The following RFX4 variants were observed in gnomAD, a reference collection of about 807,000 sequenced individuals.
The protein encoded by RFX4 is regulatory factor X4, also known as transcription factor RFX4.
RFX4 carries 10 observed loss-of-function variants against 95.0 expected under a neutral mutation model. That is an observed-to-expected ratio of 0.11 (90% CI 0.06 to 0.18). The LOEUF is 0.18. RFX4 is among the 10% of genes least tolerant of loss of function. The probability of loss-of-function intolerance (pLI) is 1.00; values close to 1 mark genes in which losing one functional copy is unlikely to be tolerated. For synonymous variants in RFX4, 321 were observed against 340.7 expected, an observed-to-expected ratio of 0.94 and a Z score of 0.64; for missense variants, 640 against 922.0, an observed-to-expected ratio of 0.69 and a Z score of 3.96.
At chr12:106,715,169 G>A (rs778955397) in intron 10 of RFX4, 64 of 470,446 alleles carry the variant, frequency 1.4e-4, no homozygotes, top group East Asian at 1.3e-3. Flanking sequence ...GCCCACCCTC[G>A]CAGTTTCTTG....
intron 4 of RFX4, among the ~76,000 whole-genome samples, 186 bp downstream of exon 4, chr12:106,654,537 T>C (rs1201898289): frequency 2.0e-5 from 3 of 152,242 alleles, no homozygotes; most frequent in Non-Finnish European, 4.4e-5. Flanking sequence ...AAAAACATTG[T>C]AAAGTAAGAA....
chr12:106,617,018 T>C, intron 2 of RFX4, among the ~76,000 whole-genome samples: 1 of 152,144 alleles, frequency 6.6e-6, no homozygotes, highest in Non-Finnish European at 1.5e-5. Flanking sequence ...TCTGCCTGCC[T>C]CAGCTTCCCA....
intron 1 of RFX4, among the ~76,000 whole-genome samples, chr12:106,600,646 A>C (rs1331073689): frequency 6.6e-6 from 1 of 152,102 alleles, no homozygotes; most frequent in African/African-American, 2.4e-5. Flanking sequence ...TTCTTAGCGC[A>C]CTTGGAATAA....
Position 106,720,118 on chromosome 12 carries a change from C to G in RFX4, c.1233+64C>G. 7.2e-7 allele frequency: 1 copy of G among 1,387,094 alleles called. No homozygotes were observed. The allele number at this position is 1,387,094 out of a possible 1,614,324, so 85.9% of individuals were successfully genotyped here. On this transcript the variant is annotated intron_variant, in intron 12 of 17. Transcript: ENST00000392842. The surrounding 1 kb of genome is among the most constrained non-coding windows in gnomAD (Gnocchi z 4.2). The stretch of plus-strand genomic sequence containing the variant: ...GCAGCCCACCACTGCCCTCTGTGAA[C>G]TTGGCCAAGACAAAGCCCTATGGTA...
intron 8 of RFX4, among the ~76,000 whole-genome samples, chr12:106,700,787 T>C (rs2041974680): frequency 6.6e-6 from 1 of 152,220 alleles, no homozygotes; most frequent in East Asian, 1.9e-4. Context: ...TTAACAACAG[T>C]ATACTCCCTA....
At chr12:106,693,619 G>T (rs894121577) in intron 7 of RFX4, among the ~76,000 whole-genome samples, 3 of 152,166 alleles carry the variant, frequency 2.0e-5, no homozygotes, top group Non-Finnish European at 2.9e-5. Context: ...CTGGGATCAG[G>T]GGACAGTGGA....
chr12:106,672,547 A>C (rs1434206217), intron 4 of RFX4, among the ~76,000 whole-genome samples: 1 of 152,222 alleles, frequency 6.6e-6, no homozygotes, highest in African/African-American at 2.4e-5. Context: ...TTTATCAAAC[A>C]GCGAAGCTCA....
chr12:106,717,410 T>G (rs1190041818), intron 11 of RFX4, among the ~76,000 whole-genome samples: 1 of 152,244 alleles, frequency 6.6e-6, no homozygotes. Flanking sequence ...GACCAGGCTC[T>G]GAGCCTTTGC....
intron 1 of RFX4, among the ~76,000 whole-genome samples, chr12:106,605,457 C>G (rs17038571): frequency 6.6e-6 from 1 of 152,060 alleles, no homozygotes; most frequent in Non-Finnish European, 1.5e-5. Context: ...ATCCAAGGCC[C>G]GAATCTGGTT....
intron 4 of RFX4, among the ~76,000 whole-genome samples, chr12:106,664,879 T>C (rs1263388087): frequency 6.6e-6 from 1 of 151,888 alleles, no homozygotes; most frequent in Non-Finnish European, 1.5e-5. Context: ...ATAGCTTAAT[T>C]CTACTGTGGC....
chr12:106,606,719 C>T (rs1487936688), intron 1 of RFX4, among the ~76,000 whole-genome samples: 1 of 152,244 alleles, frequency 6.6e-6, no homozygotes. Flanking sequence ...TTGTTCTTCC[C>T]CTCAGATATT....
At position 106,583,166 on chromosome 12, in the gene RFX4, C is replaced by G; in HGVS notation, c.-155C>G. On this transcript the variant is annotated 5_prime_UTR_variant, in exon 1 of 18. Coordinates refer to ENST00000392842, the MANE Select transcript of RFX4 (RefSeq NM_213594.3). Reference sequence around the variant, plus strand: ...TTTCCTCTTCTTTTTCTTTTCTTTTCCTTTCCTCCTTTATCCTTGTGCCCC... The same window carrying G: ...TTTCCTCTTCTTTTTCTTTTCTTTTGCTTTCCTCCTTTATCCTTGTGCCCC... 1 of 570,712 alleles carries G rather than the reference C, an allele frequency of 1.8e-6. No individual in the cohort carries two copies. Among genetic ancestry groups the G allele is most frequent in the Middle Eastern group, 4.7e-4 (1 of 2,112 alleles). 35.4% of individuals were successfully genotyped at this position (570,712 alleles called of 1,614,324 possible).
chr12:106,684,969 C>G lies in RFX4; in HGVS notation c.378-1915C>G, dbSNP rs1359457170. On this transcript the variant is annotated intron_variant, in intron 5 of 17. Coordinates refer to ENST00000392842, the MANE Select transcript of RFX4 (RefSeq NM_213594.3). ...GTTTTGACGTGCTCATCTCTTCCCT[C>G]CTCGCAAAAGCCCTTCCCATAATTC... 3.1e-6 allele frequency: 5 copies of G among 1,601,888 alleles called. No homozygotes were observed. The Admixed American group carries it at 8.4e-5, about 27-fold the overall frequency.
intron 15 of RFX4, among the ~76,000 whole-genome samples, chr12:106,743,298 G>C (rs1015995394): frequency 2.0e-5 from 3 of 152,142 alleles, no homozygotes; most frequent in African/African-American, 7.2e-5. Context: ...TGTAAGCTGC[G>C]CAGATTTTCT....
At chr12:106,628,489 A>G (rs2040349455) in intron 2 of RFX4, among the ~76,000 whole-genome samples, 1 of 152,172 alleles carries the variant, frequency 6.6e-6, no homozygotes. Flanking sequence ...AGGACCACTT[A>G]TCCATTTGAG....
intron 17 of RFX4, among the ~76,000 whole-genome samples, chr12:106,753,322 A>C (rs2043045755): frequency 6.6e-6 from 1 of 152,060 alleles, no homozygotes; most frequent in Non-Finnish European, 1.5e-5. Flanking sequence ...TCGGCTGGGC[A>C]TTCATGATGG....
chr12:106,732,650 A>G (rs1400042260), intron 14 of RFX4, among the ~76,000 whole-genome samples: 2 of 152,136 alleles, frequency 1.3e-5, no homozygotes, highest in African/African-American at 4.8e-5. Context: ...CAGTGAGCCG[A>G]GTGTGCGCCA....
intron 15 of RFX4, among the ~76,000 whole-genome samples, chr12:106,744,040 C>T (rs532822202): frequency 2.9e-4 from 44 of 152,302 alleles, no homozygotes; most frequent in African/African-American, 1.1e-3. Context: ...AAACTCTCCT[C>T]AATCCCACCA....
intron 8 of RFX4, among the ~76,000 whole-genome samples, chr12:106,699,598 T>C (rs1248160591): frequency 1.3e-5 from 2 of 152,238 alleles, no homozygotes; most frequent in African/African-American, 2.4e-5. Flanking sequence ...AAATTAGAAC[T>C]GTTATGTCTT....
Sources: allele counts gnomAD v4.1 joint callset (sites outside exome capture counted in the v4.1 genomes callset), GRCh38; gene constraint gnomAD v4.1.1; non-coding constraint Gnocchi (gnomAD v3.1); transcripts MANE v1.5; gene names NCBI Gene and HGNC (gene_info 2026-07-23, HGNC 2026-07-21).